MICU2: variants seen among roughly 807,000 people sequenced by gnomAD.
The protein encoded by MICU2 is calcium uptake protein 2, mitochondrial.
A neutral mutation model predicts 60.4 loss-of-function variants in MICU2; 64 were observed. That is an observed-to-expected ratio of 1.06 (90% CI 0.87 to 1.31). MICU2 has a LOEUF of 1.31. Ranked by LOEUF, MICU2 falls within the 50% of genes most tolerant of loss-of-function variation. MICU2 has a pLI of 0.00. For missense variants in MICU2, 569 were observed against 531.0 expected (o/e 1.07, Z -0.70); for synonymous variants, 201 against 175.0 (o/e 1.15, Z -1.17).
intron 4 of MICU2, among the ~76,000 whole-genome samples, chr13:21,528,116 T>C (rs1886900754): frequency 6.6e-6 from 1 of 152,178 alleles, no homozygotes; most frequent in Non-Finnish European, 1.5e-5. Context: ...AAAAAATATA[T>C]ATATAGTAAA....
intron 1 of MICU2, among the ~76,000 whole-genome samples, chr13:21,599,162 C>A (rs1888761398): frequency 6.6e-6 from 1 of 152,284 alleles, no homozygotes; most frequent in East Asian, 1.9e-4. Context: ...GAAACTAGTC[C>A]CTGGTGCCAA....
chr13:21,517,691 C>T (rs1438442361), intron 6 of MICU2, among the ~76,000 whole-genome samples: 9 of 151,902 alleles, frequency 5.9e-5, no homozygotes, highest in East Asian at 5.8e-4. Flanking sequence ...GCAGGAGAAT[C>T]GCTGGAGCCC....
At chr13:21,582,104 G>T (rs937273268) in intron 1 of MICU2, among the ~76,000 whole-genome samples, 1 of 152,154 alleles carries the variant, frequency 6.6e-6, no homozygotes, top group South Asian at 2.1e-4. Context: ...TTTTAGTAGA[G>T]AAACAACTAA....
intron 2 of MICU2, among the ~76,000 whole-genome samples, chr13:21,552,523 G>C (rs1458498314): frequency 6.6e-6 from 1 of 152,158 alleles, no homozygotes; most frequent in Non-Finnish European, 1.5e-5. Flanking sequence ...GTCCTGAATG[G>C]TATTGCCTAG....
intron 2 of MICU2, among the ~76,000 whole-genome samples, chr13:21,553,726 G>A: frequency 6.6e-6 from 1 of 152,048 alleles, no homozygotes; most frequent in Non-Finnish European, 1.5e-5. Context: ...CCAATTAAAA[G>A]GCACAGACTG....
chr13:21,573,343 G>A (rs111860434), intron 1 of MICU2, among the ~76,000 whole-genome samples: 132 of 151,772 alleles, frequency 8.7e-4, no homozygotes, highest in African/African-American at 3.1e-3. Context: ...GCGCCATCTC[G>A]GCTCACTGCA....
chr13:21,533,446 C>T (rs1887054177), intron 4 of MICU2, among the ~76,000 whole-genome samples: 1 of 151,680 alleles, frequency 6.6e-6, no homozygotes, highest in African/African-American at 2.4e-5. Context: ...GCCTCAGCCT[C>T]CCGAGTAGCT....
intron 1 of MICU2, among the ~76,000 whole-genome samples, chr13:21,599,628 G>C (rs551666648): frequency 6.6e-6 from 1 of 152,260 alleles, no homozygotes; most frequent in South Asian, 2.1e-4. Flanking sequence ...GAGTCTTTAC[G>C]AATTTATCTT....
intron 2 of MICU2, among the ~76,000 whole-genome samples, chr13:21,540,156 C>T (rs899275159): frequency 6.6e-6 from 1 of 152,206 alleles, no homozygotes; most frequent in Admixed American, 6.5e-5. Flanking sequence ...GTCTAGCCAA[C>T]ATAACCATCC....
At chr13:21,513,609 A>C (rs1013177580) in intron 7 of MICU2, among the ~76,000 whole-genome samples, 1 of 151,864 alleles carries the variant, frequency 6.6e-6, no homozygotes, top group Non-Finnish European at 1.5e-5. Context: ...TGTGGGTGGC[A>C]TGTGCCTGTA....
chr13:21,502,120 T>C (rs17067091), intron 9 of MICU2, among the ~76,000 whole-genome samples: 7,329 of 151,690 alleles, frequency 0.048, 583 homozygotes, highest in African/African-American at 0.17. Flanking sequence ...AGTTTTCTTT[T>C]TATATCCATC....
At chr13:21,545,840 AACT>A (rs71202426) in intron 2 of MICU2, among the ~76,000 whole-genome samples, 47,425 of 151,990 alleles carry the variant, frequency 0.31, 8,476 homozygotes, top group South Asian at 0.4. Flanking sequence ...ACTGTAAGAT[AACT>A]ACAATTAGCA....
Position 21,589,704 on chromosome 13 carries a change from C to T in MICU2, c.210+14235G>A, listed in dbSNP as rs562745193. On this transcript the variant is annotated intron_variant, in intron 1 of 11. Coordinates refer to ENST00000382374, the MANE Select transcript of MICU2 (RefSeq NM_152726.3). ...TTACCTGCTCCACCCTGACTCCTTC[C>T]GATTACCTATTCCACCCTGACTTCA... Among the ~76,000 whole-genome samples the T allele has an allele frequency of 3.3e-5, 5 of 152,136 alleles. No individual in the cohort carries two copies. In the East Asian group the frequency reaches 7.7e-4, roughly 23 times the overall value.
At chr13:21,530,747 C>T in intron 4 of MICU2, 2 of 549,534 alleles carry the variant, frequency 3.6e-6, no homozygotes, top group East Asian at 3.7e-5. Flanking sequence ...GCCAGAGCAG[C>T]CCCCACCCCA....
intron 1 of MICU2, among the ~76,000 whole-genome samples, chr13:21,598,168 T>G (rs1888736520): frequency 6.6e-6 from 1 of 151,684 alleles, no homozygotes; most frequent in Admixed American, 6.6e-5. Flanking sequence ...AGTGGAAAAA[T>G]TTTCTATTGA....
At chr13:21,531,072 T>A (rs1886985075) in intron 4 of MICU2, 1 of 1,010,702 alleles carries the variant, frequency 9.9e-7, no homozygotes, top group Non-Finnish European at 1.6e-6. Flanking sequence ...TCCTAATCTG[T>A]TAAGTCAATT....
At chr13:21,530,902 G>A in intron 4 of MICU2, 3 of 758,658 alleles carry the variant, frequency 4.0e-6, no homozygotes, top group Non-Finnish European at 7.3e-6. Context: ...AGAATGGGCT[G>A]ATATAGATCT....
At chr13:21,534,133 T>C (rs534267287) in intron 4 of MICU2, among the ~76,000 whole-genome samples, 2 of 151,432 alleles carry the variant, frequency 1.3e-5, no homozygotes, top group Non-Finnish European at 2.9e-5. Context: ...AAAGCATTAC[T>C]ACAAAATGGA....
Position 21,517,800 on chromosome 13 carries a change from C to T in MICU2, c.598-3382G>A, listed in dbSNP as rs559049342. Among the ~76,000 whole-genome samples, 42 of 52,898 alleles carry T rather than the reference C, an allele frequency of 7.9e-4. No individual in the cohort carries two copies. The East Asian group carries it at 9.3e-3, about 12-fold the overall frequency. The allele number at this position is 52,898 out of a possible 152,430, so 34.7% of individuals were successfully genotyped here. On this transcript the variant is annotated intron_variant, in intron 6 of 11. Transcript: ENST00000382374. ...ACACACACACACACACACACACACA[C>T]GCGCGCGCGCGCGCACACGCGCTAC...
Sources: gnomAD v4.1 joint callset for allele counts (sites outside exome capture counted in the v4.1 genomes callset) on GRCh38, gnomAD v4.1.1 for gene constraint, MANE v1.5 for transcripts, NCBI Gene and HGNC (gene_info 2026-07-23, HGNC 2026-07-21) for gene names.